The following IPO7 variants were observed in gnomAD, a reference collection of about 807,000 sequenced individuals.
The protein encoded by IPO7 is importin-7.
IPO7 carries 13 observed loss-of-function variants against 136.4 expected under a neutral mutation model. That is an observed-to-expected ratio of 0.10 (90% CI 0.06 to 0.15). The LOEUF is 0.15. Among genes scored for constraint, IPO7 ranks in the 10% least tolerant of loss-of-function variants. IPO7 has a pLI of 1.00. For missense variants in IPO7, 857 were observed against 1,240.6 expected, an observed-to-expected ratio of 0.69 and a Z score of 4.65; for synonymous variants, 403 against 404.4, an observed-to-expected ratio of 1.00 and a Z score of 0.04.
At chr11:9,433,923 C>CTTTT in intron 18 of IPO7, 77 bp downstream of exon 18, 41 of 1,041,968 alleles carry the variant, frequency 3.9e-5, no homozygotes, top group East Asian at 8.2e-5. Flanking sequence ...TGAACATACA[C>CTTTT]TTTTTTTTTT....
chr11:9,437,870 C>T lies in IPO7; in HGVS notation c.2385C>T (p.His795=). ...VAIAALYYNP[H]LLLNTLENLR... ...TTGCAGCTTTGTATTATAATCCACA[C>T]CTACTACTCAATACCTTAGAAAATC... The change falls in exon 21 of 25, where the codon CAC becomes CAT. Residue 795 remains histidine, a synonymous_variant. Coordinates refer to ENST00000379719, the MANE Select transcript of IPO7 (RefSeq NM_006391.3). 6.2e-7 allele frequency: 1 copy of T among 1,613,486 alleles called. No homozygotes were observed. Among genetic ancestry groups the T allele is most frequent in the Non-Finnish European group, 8.5e-7 (1 of 1,179,488 alleles).
At chr11:9,385,406 G>A (rs1016242162) in intron 1 of IPO7, among the ~76,000 whole-genome samples, 4 of 152,158 alleles carry the variant, frequency 2.6e-5, no homozygotes, top group Admixed American at 1.3e-4. Context: ...AGGCAAGCCC[G>A]CGCCTCCTTG....
chr11:9,404,024 G>A (rs1295928122), intron 2 of IPO7, among the ~76,000 whole-genome samples: 2 of 152,092 alleles, frequency 1.3e-5, no homozygotes, highest in African/African-American at 4.8e-5. Flanking sequence ...ACCACTCCCA[G>A]CCTTTTCATT....
chr11:9,433,871 C>A, intron 18 of IPO7, 25 bp downstream of exon 18: 1 of 1,594,818 alleles, frequency 6.3e-7, no homozygotes, highest in Non-Finnish European at 8.5e-7. Context: ...CATGGAAATA[C>A]TGAGGGTTTT....
intron 2 of IPO7, among the ~76,000 whole-genome samples, chr11:9,405,805 T>C (rs1216592937): frequency 6.6e-6 from 1 of 152,226 alleles, no homozygotes; most frequent in Non-Finnish European, 1.5e-5. Flanking sequence ...ATATTTCTAA[T>C]TTAATAGAAA....
At chr11:9,428,743 T>A in intron 13 of IPO7, 114 bp downstream of exon 13, 1 of 804,256 alleles carries the variant, frequency 1.2e-6, no homozygotes, top group Non-Finnish European at 2.3e-6. Context: ...TTATTTTAGG[T>A]TTCTGTTTAA....
chr11:9,400,355 G>A (rs1033813885), intron 1 of IPO7, among the ~76,000 whole-genome samples: 2 of 152,060 alleles, frequency 1.3e-5, no homozygotes, highest in Non-Finnish European at 2.9e-5. Flanking sequence ...CATAGAGCCC[G>A]GTTGTCATAT....
Position 9,438,261 on chromosome 11 carries a change from G to C in IPO7, c.2671G>C (p.Glu891Gln). Reference protein sequence around the residue: ...EHENDSDDDDEAEDDDETEEL... With the variant: ...EHENDSDDDDQAEDDDETEEL... ...TGAGAATGACAGTGATGATGATGAT[G>C]AAGCTGAAGATGATGATGAAACCGG... is the stretch of plus-strand genomic sequence containing the variant. The change falls in exon 22 of 25, where the codon GAA becomes CAA. Residue 891 changes from glutamate (E) to glutamine (Q), a missense_variant. Physicochemically the swap from Glu to Gln is conservative, Grantham distance 29. Coordinates refer to ENST00000379719, the MANE Select transcript of IPO7 (RefSeq NM_006391.3). 6.4e-7 allele frequency: 1 copy of C among 1,571,756 alleles called. No individual in the cohort carries two copies. The highest frequency in any genetic ancestry group is 1.1e-5 in the South Asian group (1 of 90,234).
intron 1 of IPO7, among the ~76,000 whole-genome samples, chr11:9,397,341 A>AAAAAAAAAAATATATATATATATAT: frequency 9.3e-4 from 10 of 10,758 alleles, no homozygotes; most frequent in African/African-American, 1.8e-3. Flanking sequence ...TTTAAAAAAA[A>AAAAAAAAAAATATATATATATATAT]ATATATATAT....
chr11:9,404,122 A>T (rs1854840260), intron 2 of IPO7, among the ~76,000 whole-genome samples: 1 of 152,016 alleles, frequency 6.6e-6, no homozygotes, highest in African/African-American at 2.4e-5. Context: ...AACAGATTAC[A>T]TTTTTGTGTT....
At chr11:9,426,556 C>T (rs538924970) in intron 12 of IPO7, among the ~76,000 whole-genome samples, 119 of 152,078 alleles carry the variant, frequency 7.8e-4, no homozygotes, top group African/African-American at 2.6e-3. Context: ...TTTGAGACAC[C>T]GCAGAACCCA....
chr11:9,426,524 G>T (rs1355351269), intron 12 of IPO7, among the ~76,000 whole-genome samples: 1 of 151,968 alleles, frequency 6.6e-6, no homozygotes, highest in East Asian at 1.9e-4. Flanking sequence ...ATATACCTAG[G>T]AGTATGAATT....
intron 10 of IPO7, 137 bp downstream of exon 10, chr11:9,424,013 G>T: frequency 2.0e-6 from 1 of 509,600 alleles, no homozygotes; most frequent in Non-Finnish European, 3.5e-6. Context: ...AGTCCTTTTT[G>T]GGGCTATTTA....
chr11:9,389,045 TTTATTA>T (rs1215971585), intron 1 of IPO7, among the ~76,000 whole-genome samples: 1 of 151,572 alleles, frequency 6.6e-6, no homozygotes, highest in African/African-American at 2.4e-5. Flanking sequence ...TTTTTTAAAA[TTTATTA>T]TTATTATTAT....
rs1855535496 is a variant in IPO7, at chr11:9,446,796, A to G, written c.*1602A>G. 6.6e-6 allele frequency: 1 copy of G among 152,196 alleles called. No homozygotes were observed. Among genetic ancestry groups the G allele is most frequent in the Non-Finnish European group, 1.5e-5 (1 of 68,038 alleles). 9.4% of individuals were successfully genotyped at this position (152,196 alleles called of 1,614,324 possible). A position where few individuals can be genotyped will look rare whatever the true frequency, so the allele number is the denominator to read the frequency against. The stretch of plus-strand genomic sequence containing the variant: ...CTTGTATACCAATAATTAAGCCACT[A>G]CTGTTGGCACTGTTTGGTTTTCTAT... On this transcript the variant is annotated 3_prime_UTR_variant, in exon 25 of 25. Coordinates refer to ENST00000379719, the MANE Select transcript of IPO7 (RefSeq NM_006391.3).
rs551724437 is a variant in IPO7 at position 9,420,330 on chromosome 11, A to T, written c.727-81A>T. 53 of 897,984 alleles carry T rather than the reference A, an allele frequency of 5.9e-5. 1 individual carries two copies. In the South Asian group the frequency reaches 7.2e-4, roughly 12 times the overall value. 55.6% of individuals were successfully genotyped at this position (897,984 alleles called of 1,614,324 possible). ...AGGCCAGCATTAGTGAAGCATTCACATTTTTGTCAATCTATTCTCATCTCA... is the reference window on the plus strand; with the variant it reads ...AGGCCAGCATTAGTGAAGCATTCACTTTTTTGTCAATCTATTCTCATCTCA... On this transcript the variant is annotated intron_variant, in intron 6 of 24. Coordinates refer to ENST00000379719, the MANE Select transcript of IPO7 (RefSeq NM_006391.3).
chr11:9,427,353 T>A (rs889927608), intron 12 of IPO7, among the ~76,000 whole-genome samples: 1 of 151,934 alleles, frequency 6.6e-6, no homozygotes, highest in Non-Finnish European at 1.5e-5. Context: ...CTCCACCTCC[T>A]GAGTTCAAGC....
intron 5 of IPO7, 100 bp downstream of exon 5, chr11:9,414,511 T>C (rs917827162): frequency 1.3e-6 from 1 of 757,578 alleles, no homozygotes; most frequent in Non-Finnish European, 2.0e-6. Context: ...ATAGTTAACT[T>C]GAAAATCTAC....
intron 1 of IPO7, among the ~76,000 whole-genome samples, chr11:9,400,516 G>T (rs906162129): frequency 3.3e-5 from 5 of 152,016 alleles, no homozygotes; most frequent in Non-Finnish European, 7.4e-5. Context: ...CCGCCCCCGG[G>T]GTTCACACCA....
Sources: gnomAD v4.1 joint callset for allele counts (sites outside exome capture counted in the v4.1 genomes callset) on GRCh38, gnomAD v4.1.1 for gene constraint, MANE v1.5 for transcripts, NCBI Gene and HGNC (gene_info 2026-07-23, HGNC 2026-07-21) for gene names.